LSAMP: variants seen among roughly 807,000 people sequenced by gnomAD.
LSAMP encodes the protein limbic system-associated membrane protein.
In LSAMP, 7 loss-of-function variants were observed where a neutral mutation model predicts 38.6. That is an observed-to-expected ratio of 0.18 (90% CI 0.10 to 0.34). The LOEUF is 0.34. Among genes scored for constraint, LSAMP ranks in the 10% least tolerant of loss-of-function variants. LSAMP has a pLI of 1.00. For synonymous variants in LSAMP, 154 were observed against 166.8 expected, an observed-to-expected ratio of 0.92 and a Z score of 0.59; for missense variants, 313 against 420.0, an observed-to-expected ratio of 0.75 and a Z score of 2.23.
chr3:115,862,463 C>T (rs908181713), intron 3 of LSAMP, among the ~76,000 whole-genome samples: 1 of 152,172 alleles, frequency 6.6e-6, no homozygotes, highest in Non-Finnish European at 1.5e-5. Context: ...TTGCAATGAC[C>T]TCATATAGGT....
chr3:116,204,121 T>C (rs1295409827), intron 1 of LSAMP, among the ~76,000 whole-genome samples: 1 of 152,062 alleles, frequency 6.6e-6, no homozygotes, highest in Non-Finnish European at 1.5e-5. Context: ...TATCTCATAG[T>C]GGTTTTGATT....
chr3:116,194,676 G>A (rs560737626), intron 1 of LSAMP, among the ~76,000 whole-genome samples: 1 of 152,286 alleles, frequency 6.6e-6, no homozygotes, highest in East Asian at 1.9e-4. Context: ...GATTACAGGC[G>A]TGAGCCTCCG....
intron 2 of LSAMP, among the ~76,000 whole-genome samples, chr3:116,078,237 ATTAG>A (rs1308617236): frequency 6.6e-6 from 1 of 151,692 alleles, no homozygotes. Context: ...CATTCCTTCT[ATTAG>A]TTAGCATTCT....
chr3:115,951,678 T>C (rs920470850), intron 3 of LSAMP, among the ~76,000 whole-genome samples: 6 of 152,062 alleles, frequency 3.9e-5, no homozygotes, highest in African/African-American at 1.2e-4. Context: ...GGTTTAGTCT[T>C]CTGGCCTACA....
At chr3:116,343,114 C>CA (rs1576145465) in intron 1 of LSAMP, among the ~76,000 whole-genome samples, 2 of 152,092 alleles carry the variant, frequency 1.3e-5, no homozygotes, top group South Asian at 4.1e-4. Flanking sequence ...ACAATAACAA[C>CA]AAAAAACTGC....
chr3:116,058,224 C>T (rs998136552), intron 2 of LSAMP, among the ~76,000 whole-genome samples: 1 of 152,078 alleles, frequency 6.6e-6, no homozygotes, highest in African/African-American at 2.4e-5. Flanking sequence ...GTCATTGTAA[C>T]ATTTTAATCC....
At chr3:116,332,688 T>A (rs1003117859) in intron 1 of LSAMP, among the ~76,000 whole-genome samples, 2 of 152,134 alleles carry the variant, frequency 1.3e-5, no homozygotes, top group African/African-American at 4.8e-5. Context: ...ATAGTAAAAA[T>A]ATATGGATTA....
chr3:116,167,246 C>CT (rs1710081338), intron 1 of LSAMP, among the ~76,000 whole-genome samples: 1 of 152,142 alleles, frequency 6.6e-6, no homozygotes, highest in Admixed American at 6.5e-5. Context: ...CTTATCCCCC[C>CT]TCCAACCTTC....
At chr3:115,987,435 T>C (rs181458475) in intron 3 of LSAMP, among the ~76,000 whole-genome samples, 13 of 152,296 alleles carry the variant, frequency 8.5e-5, no homozygotes, top group African/African-American at 2.9e-4. Flanking sequence ...AAAGGAGGAA[T>C]ACACTTTTAT....
At chr3:116,202,289 C>CCA (rs1225623052) in intron 1 of LSAMP, among the ~76,000 whole-genome samples, 1 of 152,000 alleles carries the variant, frequency 6.6e-6, no homozygotes, top group Non-Finnish European at 1.5e-5. Flanking sequence ...GCGCATGCCA[C>CCA]CACACCTGGC....
chr3:116,107,748 G>A (rs1011988161), intron 1 of LSAMP, among the ~76,000 whole-genome samples: 20 of 152,298 alleles, frequency 1.3e-4, no homozygotes, highest in African/African-American at 4.3e-4. Context: ...CCAAGTGAAA[G>A]CGAAGAGAGG....
intron 3 of LSAMP, among the ~76,000 whole-genome samples, chr3:115,874,907 T>C (rs1405337856): frequency 6.6e-6 from 1 of 151,262 alleles, no homozygotes; most frequent in African/African-American, 2.4e-5. Flanking sequence ...TAGAAGGTAC[T>C]TTAAAAAAAA....
At chr3:116,107,872 T>C (rs777632723) in intron 1 of LSAMP, among the ~76,000 whole-genome samples, 3 of 152,052 alleles carry the variant, frequency 2.0e-5, no homozygotes, top group Non-Finnish European at 2.9e-5. Flanking sequence ...TTTGGCACCA[T>C]GGGGTGGATA....
intron 1 of LSAMP, among the ~76,000 whole-genome samples, chr3:116,244,246 A>C (rs935456738): frequency 6.6e-6 from 1 of 152,180 alleles, no homozygotes; most frequent in African/African-American, 2.4e-5. Flanking sequence ...AATTGGTTAC[A>C]TCAGGCTCTT....
intron 3 of LSAMP, among the ~76,000 whole-genome samples, chr3:115,923,782 G>C (rs1937437341): frequency 6.6e-6 from 1 of 151,968 alleles, no homozygotes; most frequent in Admixed American, 6.6e-5. Flanking sequence ...TCTAGAACAA[G>C]CCTGAATTTC....
intron 3 of LSAMP, among the ~76,000 whole-genome samples, chr3:115,933,232 A>G (rs1366324927): frequency 6.6e-6 from 1 of 152,206 alleles, no homozygotes; most frequent in Non-Finnish European, 1.5e-5. Flanking sequence ...CCAGCAAAGC[A>G]TTAGAAAAAC....
chr3:115,824,199 A>G (rs1043322946), intron 6 of LSAMP, among the ~76,000 whole-genome samples: 8 of 152,208 alleles, frequency 5.3e-5, no homozygotes, highest in Non-Finnish European at 1.2e-4. Context: ...TATGTGTAAG[A>G]TTAGATAAAT....
chr3:116,206,827 T>C, intron 1 of LSAMP, among the ~76,000 whole-genome samples: 1 of 151,496 alleles, frequency 6.6e-6, no homozygotes, highest in East Asian at 1.9e-4. Context: ...CTTCCAAGTA[T>C]GTGGTCAATT....
chr3:116,160,160 G>A (rs532673494), intron 1 of LSAMP, among the ~76,000 whole-genome samples: 222 of 152,270 alleles, frequency 1.5e-3, no homozygotes, highest in African/African-American at 4.9e-3. Context: ...AGAATTTTGG[G>A]AGGCCAAGGC....
Sources: gnomAD v4.1 joint callset for allele counts (sites outside exome capture counted in the v4.1 genomes callset) on GRCh38, gnomAD v4.1.1 for gene constraint, MANE v1.5 for transcripts, NCBI Gene and HGNC (gene_info 2026-07-23, HGNC 2026-07-21) for gene names.